The following AAK1 variants were observed in gnomAD, a reference collection of about 807,000 sequenced individuals.
The protein encoded by AAK1 is AP2 associated kinase 1.
In AAK1, 37 loss-of-function variants were observed where a neutral mutation model predicts 116.0. That is an observed-to-expected ratio of 0.32 (90% CI 0.25 to 0.42). The LOEUF is 0.42. AAK1 is among the 10% of genes least tolerant of loss of function. The pLI is 1.00. For missense variants in AAK1, 919 were observed against 1,170.6 expected (o/e 0.79, Z 3.14); for synonymous variants, 458 against 439.9 (o/e 1.04, Z -0.51).
intron 2 of AAK1, among the ~76,000 whole-genome samples, chr2:69,578,843 G>A (rs1191685928): frequency 5.0e-5 from 7 of 138,678 alleles, no homozygotes; most frequent in Non-Finnish European, 7.6e-5. Flanking sequence ...TCGCTCTGTC[G>A]CCCAGGCTGG....
intron 2 of AAK1, among the ~76,000 whole-genome samples, chr2:69,638,385 A>T (rs1207379265): frequency 6.6e-6 from 1 of 151,702 alleles, no homozygotes; most frequent in Non-Finnish European, 1.5e-5. Flanking sequence ...ACCTTCTGGG[A>T]CCACTCTTTC....
rs570162006 is a variant in AAK1, at chr2:69,470,114, G to A, written c.*5755C>T. 34 of 985,242 alleles carry A rather than the reference G, an allele frequency of 3.5e-5. No homozygotes were observed. Among genetic ancestry groups the A allele is most frequent in the Non-Finnish European group, 3.9e-5 (32 of 829,942 alleles). 61.0% of individuals were successfully genotyped at this position (985,242 alleles called of 1,614,324 possible). ...TAAAATCTGAAGACTTAAATGTCAG[G>A]CTGGATATTCCTTAATGAAATACAT... On this transcript the variant is annotated 3_prime_UTR_variant, in exon 22 of 22. Transcript: ENST00000409085.
chr2:69,627,162 G>A (rs1475387559), intron 2 of AAK1, among the ~76,000 whole-genome samples: 1 of 152,048 alleles, frequency 6.6e-6, no homozygotes, highest in East Asian at 1.9e-4. Flanking sequence ...GGTGGCGGGC[G>A]CCTGTAGTCC....
intron 2 of AAK1, among the ~76,000 whole-genome samples, chr2:69,557,355 G>T (rs1671429668): frequency 6.8e-6 from 1 of 146,076 alleles, no homozygotes; most frequent in African/African-American, 2.6e-5. Context: ...AGACTGGCAT[G>T]AAGTGGCGTG....
chr2:69,531,520 T>C (rs780139556), intron 6 of AAK1: 13 of 944,902 alleles, frequency 1.4e-5, no homozygotes, highest in East Asian at 2.3e-4. Context: ...CAGGCTCTTA[T>C]TGGAGTCACA....
rs574225479 is a variant in AAK1, at chr2:69,530,605, A to G, written c.738+20T>C. ...AAGACTGCTGCTATCTGAGGTATGG[A>G]TAGGTTACCTGACACCTACCCAAAT... On this transcript the variant is annotated intron_variant, in intron 7 of 21. Transcript: ENST00000409085. 59 of 1,597,776 alleles carry G rather than the reference A, an allele frequency of 3.7e-5. 1 individual carries two copies. In the East Asian group the frequency reaches 1.0e-3, roughly 28 times the overall value.
At position 69,471,963 on chromosome 2, in the gene AAK1, T is replaced by TTGTGTAATTCTA. The variant is rs2104873886; in HGVS notation, c.*3905_*3906insTAGAATTACACA. 5 of 985,398 alleles carry TTGTGTAATTCTA rather than the reference T, an allele frequency of 5.1e-6. No homozygotes were observed. The South Asian group carries it at 2.3e-4, about 46-fold the overall frequency. 61.0% of individuals were successfully genotyped at this position (985,398 alleles called of 1,614,324 possible). A position where few individuals can be genotyped will look rare whatever the true frequency, so the allele number is the denominator to read the frequency against. ...TTTCTTGGGTTTGTTTTTCCACAAG[T>TTGTGTAATTCTA]ATTAGCAATCCAAGTTGTGTAATTC... is the stretch of plus-strand genomic sequence containing the variant. On this transcript the variant is annotated 3_prime_UTR_variant, in exon 22 of 22. Coordinates refer to ENST00000409085, the MANE Select transcript of AAK1 (RefSeq NM_014911.5).
intron 16 of AAK1, among the ~76,000 whole-genome samples, chr2:69,499,695 T>C (rs1036720375): frequency 2.0e-5 from 3 of 152,180 alleles, no homozygotes; most frequent in African/African-American, 7.2e-5. Flanking sequence ...AAATAACTGC[T>C]TTTAAGTCCT....
chr2:69,530,865 T>C (rs1009895186), intron 6 of AAK1, among the ~76,000 whole-genome samples, 159 bp from the exon 7 acceptor site: 10 of 152,210 alleles, frequency 6.6e-5, no homozygotes, highest in African/African-American at 2.2e-4. Flanking sequence ...TGAAAGGCTG[T>C]CCTTGGTACA....
intron 3 of AAK1, among the ~76,000 whole-genome samples, chr2:69,551,629 C>A (rs1671185970): frequency 6.6e-6 from 1 of 152,194 alleles, no homozygotes; most frequent in Non-Finnish European, 1.5e-5. Context: ...GATGTGAACA[C>A]AGAATAGCCT....
intron 2 of AAK1, among the ~76,000 whole-genome samples, chr2:69,619,554 C>A (rs1327638700): frequency 1.3e-5 from 2 of 152,128 alleles, no homozygotes; most frequent in Non-Finnish European, 2.9e-5. Flanking sequence ...GCTCATAAAG[C>A]TTAAGTTCCA....
intron 2 of AAK1, among the ~76,000 whole-genome samples, chr2:69,576,370 A>C (rs1672315521): frequency 6.6e-6 from 1 of 151,860 alleles, no homozygotes; most frequent in East Asian, 1.9e-4. Flanking sequence ...TTGGGGGTAC[A>C]TGTGAAGGTT....
intron 2 of AAK1, among the ~76,000 whole-genome samples, chr2:69,586,621 T>C (rs1000799481): frequency 5.3e-5 from 8 of 152,204 alleles, no homozygotes; most frequent in Non-Finnish European, 1.2e-4. Context: ...GCTCGGTAAC[T>C]ACTGAATGAA....
intron 14 of AAK1, among the ~76,000 whole-genome samples, chr2:69,508,293 C>G (rs1393768744): frequency 1.3e-5 from 2 of 152,210 alleles, no homozygotes; most frequent in Non-Finnish European, 2.9e-5. Context: ...TCTCATCTCT[C>G]AGGATCCAGC....
chr2:69,621,762 T>G (rs978660257), intron 2 of AAK1, among the ~76,000 whole-genome samples: 1 of 152,224 alleles, frequency 6.6e-6, no homozygotes, highest in Non-Finnish European at 1.5e-5. Context: ...CTTCCCTCTC[T>G]GCTGTGTAAC....
chr2:69,505,492 A>C, intron 16 of AAK1, 77 bp downstream of exon 16: 28 of 1,104,900 alleles, frequency 2.5e-5, no homozygotes, highest in Non-Finnish European at 3.5e-5. Context: ...CTGGCATGCT[A>C]GAGTTATCTG....
chr2:69,551,842 C>T (rs1347818938), intron 3 of AAK1, among the ~76,000 whole-genome samples: 1 of 152,210 alleles, frequency 6.6e-6, no homozygotes, highest in Non-Finnish European at 1.5e-5. Context: ...GACTCCAGTA[C>T]ATGGTGGACA....
chr2:69,526,823 G>A (rs982090142), intron 9 of AAK1, among the ~76,000 whole-genome samples: 6 of 152,158 alleles, frequency 3.9e-5, no homozygotes, highest in South Asian at 2.1e-4. Flanking sequence ...GACAAGGGGC[G>A]TAGGTTCTAA....
At chr2:69,585,940 GCA>G (rs973418271) in intron 2 of AAK1, among the ~76,000 whole-genome samples, 1 of 152,120 alleles carries the variant, frequency 6.6e-6, no homozygotes, top group Non-Finnish European at 1.5e-5. Flanking sequence ...AATTGGCCTA[GCA>G]CAGTGCTGGG....
Sources: gnomAD v4.1 joint callset for allele counts (sites outside exome capture counted in the v4.1 genomes callset) on GRCh38, gnomAD v4.1.1 for gene constraint, MANE v1.5 for transcripts, NCBI Gene and HGNC (gene_info 2026-07-23, HGNC 2026-07-21) for gene names.